The following TBCK variants were observed in gnomAD, a reference collection of about 807,000 sequenced individuals.
TBCK encodes TBC domain-containing protein kinase-like protein.
In TBCK, 99 loss-of-function variants were observed where a neutral mutation model predicts 113.4. The ratio of observed to expected loss-of-function variants is 0.87; its 90% confidence interval spans 0.74 to 1.03. TBCK has a LOEUF of 1.03. Among genes scored for constraint, TBCK ranks in the 50% least tolerant of loss-of-function variants. TBCK has a pLI of 0.00. For synonymous variants in TBCK, 369 were observed against 370.8 expected (o/e 1.00, Z 0.05); for missense variants, 1,045 against 1,061.3 (o/e 0.98, Z 0.21).
At chr4:106,067,698 A>AT (rs919723351) in intron 25 of TBCK, among the ~76,000 whole-genome samples, 18 of 152,002 alleles carry the variant, frequency 1.2e-4, no homozygotes, top group African/African-American at 1.9e-4. Flanking sequence ...GTCCAATTTC[A>AT]TTTTTTGCGT....
intron 19 of TBCK, among the ~76,000 whole-genome samples, chr4:106,216,075 C>G: frequency 6.6e-6 from 1 of 152,132 alleles, no homozygotes. Flanking sequence ...CTCAAAACCA[C>G]TCAACTACAT....
chr4:106,160,651 C>T (rs1346813319), intron 23 of TBCK, among the ~76,000 whole-genome samples: 2 of 151,880 alleles, frequency 1.3e-5, no homozygotes, highest in Non-Finnish European at 2.9e-5. Flanking sequence ...GAAACCAACC[C>T]TTGCACACTG....
chr4:106,237,936 A>T (rs1270787828), intron 12 of TBCK, among the ~76,000 whole-genome samples: 2 of 152,080 alleles, frequency 1.3e-5, no homozygotes, highest in African/African-American at 4.8e-5. Context: ...GCACATTAGG[A>T]TTTTTAAAAG....
intron 12 of TBCK, among the ~76,000 whole-genome samples, chr4:106,239,794 T>C (rs1759889965): frequency 6.6e-6 from 1 of 151,782 alleles, no homozygotes; most frequent in Non-Finnish European, 1.5e-5. Context: ...CTAACTCCCA[T>C]GAAACATTCA....
intron 24 of TBCK, among the ~76,000 whole-genome samples, chr4:106,115,945 C>T (rs1395679742): frequency 1.3e-5 from 2 of 152,140 alleles, no homozygotes; most frequent in Non-Finnish European, 2.9e-5. Flanking sequence ...TAGCAATATA[C>T]ACCAGAGAAA....
intron 3 of TBCK, among the ~76,000 whole-genome samples, chr4:106,290,441 G>T (rs971687435): frequency 6.6e-6 from 1 of 152,120 alleles, no homozygotes; most frequent in Non-Finnish European, 1.5e-5. Context: ...CTCCCAAAGT[G>T]CTGGGATTAC....
chr4:106,281,640 T>C (rs925472192), intron 3 of TBCK, among the ~76,000 whole-genome samples: 4 of 152,158 alleles, frequency 2.6e-5, no homozygotes, highest in Non-Finnish European at 5.9e-5. Flanking sequence ...TGGAATTTTA[T>C]CAAAGGCTTT....
At chr4:106,218,188 C>T (rs1241375759) in intron 19 of TBCK, among the ~76,000 whole-genome samples, 1 of 144,678 alleles carries the variant, frequency 6.9e-6, no homozygotes, top group African/African-American at 2.6e-5. Context: ...GAAACTGGAT[C>T]CCTTCCTTAC....
At chr4:106,148,253 G>A (rs1348190979) in intron 23 of TBCK, among the ~76,000 whole-genome samples, 3 of 152,152 alleles carry the variant, frequency 2.0e-5, no homozygotes, top group East Asian at 1.9e-4. Context: ...TGTGGAGTAC[G>A]TGATCTCTGT....
intron 3 of TBCK, among the ~76,000 whole-genome samples, chr4:106,263,690 T>C (rs1348304581): frequency 1.3e-5 from 2 of 151,876 alleles, no homozygotes. Context: ...AAATACTAGA[T>C]TGAATAAAAT....
intron 15 of TBCK, among the ~76,000 whole-genome samples, chr4:106,234,051 C>T (rs1200311882): frequency 2.6e-5 from 4 of 152,020 alleles, no homozygotes; most frequent in African/African-American, 9.7e-5. Flanking sequence ...TTCAGTTAGA[C>T]TGTTAAAATT....
intron 23 of TBCK, among the ~76,000 whole-genome samples, chr4:106,161,379 A>G (rs1271695037): frequency 6.6e-6 from 1 of 152,180 alleles, no homozygotes; most frequent in Admixed American, 6.5e-5. Flanking sequence ...CTCAGGGCCT[A>G]TCTTTTAAAC....
intron 25 of TBCK, among the ~76,000 whole-genome samples, chr4:106,061,610 T>C (rs1292396308): frequency 1.3e-5 from 2 of 151,396 alleles, no homozygotes; most frequent in Non-Finnish European, 3.0e-5. Flanking sequence ...ATTTGCCTCA[T>C]TGGGTTGGTC....
intron 19 of TBCK, among the ~76,000 whole-genome samples, chr4:106,222,241 G>A (rs1757783504): frequency 6.6e-6 from 1 of 151,710 alleles, no homozygotes; most frequent in African/African-American, 2.4e-5. Context: ...AATATAAAAT[G>A]AAAATAAATT....
chr4:106,139,386 A>T (rs1746931573), intron 23 of TBCK, among the ~76,000 whole-genome samples: 1 of 142,002 alleles, frequency 7.0e-6, no homozygotes, highest in Non-Finnish European at 1.6e-5. Flanking sequence ...TTTACATTTG[A>T]ATGCAATTAA....
intron 25 of TBCK, among the ~76,000 whole-genome samples, chr4:106,066,189 A>G (rs1046663584): frequency 1.6e-4 from 24 of 152,026 alleles, no homozygotes; most frequent in Non-Finnish European, 2.7e-4. Flanking sequence ...AATATATCCA[A>G]TACATCTGGT....
intron 24 of TBCK, among the ~76,000 whole-genome samples, chr4:106,097,481 ACAG>A (rs1741062135): frequency 6.6e-6 from 1 of 152,176 alleles, no homozygotes; most frequent in Non-Finnish European, 1.5e-5. Flanking sequence ...TTACTGGAAA[ACAG>A]CAGAGGAGAA....
chr4:106,309,080 G>A, intron 1 of TBCK, 91 bp from the exon 2 acceptor site: 1 of 792,816 alleles, frequency 1.3e-6, no homozygotes, highest in Non-Finnish European at 2.0e-6. Flanking sequence ...GGAGGAAAAT[G>A]CCAACCTGAA....
At chr4:106,090,056 C>T (rs530086294) in intron 25 of TBCK, among the ~76,000 whole-genome samples, 1 of 152,236 alleles carries the variant, frequency 6.6e-6, no homozygotes, top group Non-Finnish European at 1.5e-5. Context: ...ATTGGCACTG[C>T]CCTAGTATAG....
Sources: gnomAD v4.1 joint callset for allele counts (sites outside exome capture counted in the v4.1 genomes callset) on GRCh38, gnomAD v4.1.1 for gene constraint, MANE v1.5 for transcripts, NCBI Gene and HGNC (gene_info 2026-07-23, HGNC 2026-07-21) for gene names.